MCC: variants seen among roughly 807,000 people sequenced by gnomAD.
MCC encodes MCC regulator of Wnt signaling pathway, also known as colorectal mutant cancer protein.
MCC carries 90 observed loss-of-function variants against 116.2 expected under a neutral mutation model. The observed-to-expected ratio is 0.77, with a 90% CI of 0.65 to 0.92. The LOEUF is 0.92. Ranked by LOEUF, MCC falls within the 40% of genes least tolerant of loss-of-function variation. MCC has a pLI of 0.00. For synonymous variants in MCC, 578 were observed against 510.5 expected, an observed-to-expected ratio of 1.13 and a Z score of -1.78; for missense variants, 1,516 against 1,312.2, an observed-to-expected ratio of 1.16 and a Z score of -2.40.
chr5:113,052,110 C>G (rs1035221263), intron 15 of MCC, among the ~76,000 whole-genome samples: 6 of 137,420 alleles, frequency 4.4e-5, no homozygotes, highest in African/African-American at 1.5e-4. Flanking sequence ...TTTCAAGTGG[C>G]AAAGGGAGTA....
chr5:113,168,293 T>G (rs75915814), intron 3 of MCC, among the ~76,000 whole-genome samples: 1 of 152,204 alleles, frequency 6.6e-6, no homozygotes, highest in South Asian at 2.1e-4. Flanking sequence ...ATTAAAATTT[T>G]GATGAAAATG....
intron 3 of MCC, among the ~76,000 whole-genome samples, chr5:113,279,415 T>A (rs572954845): frequency 1.3e-5 from 2 of 151,624 alleles, no homozygotes; most frequent in South Asian, 4.2e-4. Context: ...TATATAGTAA[T>A]CTATGAACAC....
intron 17 of MCC, among the ~76,000 whole-genome samples, chr5:113,038,999 C>G (rs1006404291): frequency 6.6e-6 from 1 of 152,088 alleles, no homozygotes; most frequent in South Asian, 2.1e-4. Context: ...ACTAAATGAC[C>G]GCAGCCTCCT....
intron 2 of MCC, among the ~76,000 whole-genome samples, chr5:113,351,710 C>T (rs12519753): frequency 0.19 from 28,385 of 152,042 alleles, 3,242 homozygotes; most frequent in Admixed American, 0.31. Context: ...GGATTGTTTG[C>T]GACACAAAGG....
intron 18 of MCC, among the ~76,000 whole-genome samples, chr5:113,028,054 T>TA: frequency 6.6e-6 from 1 of 152,222 alleles, no homozygotes; most frequent in African/African-American, 2.4e-5. Context: ...AGCCTGGTGG[T>TA]AGGGTATACA....
chr5:113,281,309 T>C (rs559950084), intron 3 of MCC, among the ~76,000 whole-genome samples: 1 of 152,136 alleles, frequency 6.6e-6, no homozygotes, highest in African/African-American at 2.4e-5. Context: ...CTGATAAAAC[T>C]TCTACAGTAA....
chr5:113,162,288 G>A (rs906587205), intron 3 of MCC, among the ~76,000 whole-genome samples: 46 of 152,158 alleles, frequency 3.0e-4, no homozygotes, highest in Non-Finnish European at 1.5e-4. Context: ...CATAGGCTTT[G>A]TCAAAATGCA....
chr5:113,084,044 C>T (rs1581020030), intron 10 of MCC, 57 bp downstream of exon 10: 2 of 1,337,614 alleles, frequency 1.5e-6, no homozygotes, highest in Non-Finnish European at 2.1e-6. Flanking sequence ...ATCTATAATC[C>T]ATTGTCTGTG....
chr5:113,235,177 T>A (rs56410005), intron 3 of MCC, among the ~76,000 whole-genome samples: 3,166 of 152,274 alleles, frequency 0.021, 75 homozygotes, highest in African/African-American at 0.059. Context: ...ATGGGCTTTT[T>A]AAAAAATCAA....
In MCC at chr5:113,485,713, C is replaced by A. The variant is rs146652348; in HGVS notation, c.170+2532G>T. 2.8e-3 allele frequency among the ~76,000 whole-genome samples: 425 copies of A among 152,174 alleles called. 7 individuals are homozygous for A. The highest frequency in any genetic ancestry group is 0.02 in the East Asian group (104 of 5,182). On this transcript the variant is annotated intron_variant, in intron 1 of 18. Transcript: ENST00000408903. ...CTGACACCACCGCAGAGCTGCTGCCCCAACCTAGATAGCCTACCTCCAGAT... is the reference window on the plus strand; with the variant it reads ...CTGACACCACCGCAGAGCTGCTGCCACAACCTAGATAGCCTACCTCCAGAT...
chr5:113,469,400 T>G (rs1431900275), intron 1 of MCC, among the ~76,000 whole-genome samples: 2 of 152,224 alleles, frequency 1.3e-5, no homozygotes, highest in Non-Finnish European at 2.9e-5. Flanking sequence ...TCTCGTTGGT[T>G]TCAAAGAACA....
At chr5:113,254,858 T>A (rs1764948034) in intron 3 of MCC, among the ~76,000 whole-genome samples, 1 of 152,222 alleles carries the variant, frequency 6.6e-6, no homozygotes, top group East Asian at 1.9e-4. Context: ...CCAACCCTTC[T>A]CCCTTGCCTG....
In MCC at chr5:113,434,093, G is replaced by A; in HGVS notation, c.171-48881C>T. On this transcript the variant is annotated intron_variant, in intron 1 of 18. Coordinates refer to ENST00000408903, the MANE Select transcript of MCC (RefSeq NM_001085377.2). This position sits in a 1 kb window ranked among gnomAD's most constrained non-coding sequence, Gnocchi z 4.2. Reference sequence around the variant, plus strand: ...TGACGTCGGGCTGCAGCATGTGGTAGATGAGGTCCTTGCACTCGCCTGTCA... The same window carrying A: ...TGACGTCGGGCTGCAGCATGTGGTAAATGAGGTCCTTGCACTCGCCTGTCA... The A allele has an allele frequency of 6.2e-7, 1 of 1,614,204 alleles. No individual in the cohort carries two copies. The highest frequency in any genetic ancestry group is 1.3e-5 in the African/African-American group (1 of 75,056).
At chr5:113,467,508 A>G (rs183949246) in intron 1 of MCC, among the ~76,000 whole-genome samples, 1 of 152,156 alleles carries the variant, frequency 6.6e-6, no homozygotes, top group Admixed American at 6.5e-5. Flanking sequence ...ATGCAGCATT[A>G]TTTCTGAGGG....
intron 3 of MCC, among the ~76,000 whole-genome samples, chr5:113,314,808 G>A (rs1489683924): frequency 1.3e-5 from 2 of 151,978 alleles, no homozygotes; most frequent in African/African-American, 2.4e-5. Flanking sequence ...GGCTGGTCTC[G>A]AACTCCTGAC....
intron 3 of MCC, among the ~76,000 whole-genome samples, chr5:113,290,243 C>G (rs1464885643): frequency 1.3e-5 from 2 of 152,214 alleles, no homozygotes; most frequent in East Asian, 3.9e-4. Context: ...TGATCTGATA[C>G]AAAATGATTT....
rs778537701 is a variant in MCC, at chr5:113,043,558, C to A, written c.2728G>T (p.Ala910Ser). The change falls in exon 17 of 19, where the codon GCT becomes TCT. Residue 910 changes from alanine (A) to serine (S), a missense_variant. By Grantham distance (99) the Ala-to-Ser change is moderately conservative. Transcript: ENST00000408903. ...LRTTCSENEL[A>S]AEFTNAIRRE... ...CGAATGGCGTTGGTGAACTCCGCAGCCAGCTCATTCTCGCTGCACGTTGTC... is the reference window on the plus strand; with the variant it reads ...CGAATGGCGTTGGTGAACTCCGCAGACAGCTCATTCTCGCTGCACGTTGTC... 2.5e-6 allele frequency: 4 copies of A among 1,614,158 alleles called. No individual in the cohort carries two copies. In the Admixed American group the frequency reaches 5.0e-5, roughly 20 times the overall value.
chr5:113,127,643 A>G (rs1272869377), intron 5 of MCC, among the ~76,000 whole-genome samples: 2 of 152,112 alleles, frequency 1.3e-5, no homozygotes, highest in African/African-American at 2.4e-5. Flanking sequence ...GGCTGCATGT[A>G]TATCTTTTGA....
At chr5:113,215,989 T>G (rs1456746797) in intron 3 of MCC, among the ~76,000 whole-genome samples, 1 of 152,248 alleles carries the variant, frequency 6.6e-6, no homozygotes, top group Non-Finnish European at 1.5e-5. Flanking sequence ...TATATCTTGT[T>G]TGATGGCAAG....
Sources: allele counts gnomAD v4.1 joint callset (sites outside exome capture counted in the v4.1 genomes callset), GRCh38; gene constraint gnomAD v4.1.1; non-coding constraint Gnocchi (gnomAD v3.1); transcripts MANE v1.5; gene names NCBI Gene and HGNC (gene_info 2026-07-23, HGNC 2026-07-21).